BMPER: variants seen among roughly 807,000 people sequenced by gnomAD.
The protein encoded by BMPER is BMP binding endothelial regulator.
Under a neutral mutation model 87.3 loss-of-function variants are expected in BMPER, and 45 were observed. That is an observed-to-expected ratio of 0.52 (90% confidence interval 0.41 to 0.66). The LOEUF is 0.66. Among genes scored for constraint, BMPER ranks in the 30% least tolerant of loss-of-function variants. The pLI, the probability that BMPER is intolerant of heterozygous loss-of-function variation, is 0.00. For synonymous variants in BMPER, 326 were observed against 316.2 expected (o/e 1.03, Z -0.33); for missense variants, 784 against 867.5 (o/e 0.90, Z 1.21).
At chr7:33,958,633 A>C (rs1229887721) in intron 3 of BMPER, among the ~76,000 whole-genome samples, 1 of 152,180 alleles carries the variant, frequency 6.6e-6, no homozygotes, top group Non-Finnish European at 1.5e-5. Flanking sequence ...GTCTAGCACA[A>C]CTCAAATAGT....
At chr7:34,000,310 C>T (rs1036493100) in intron 6 of BMPER, among the ~76,000 whole-genome samples, 3 of 151,628 alleles carry the variant, frequency 2.0e-5, no homozygotes, top group Admixed American at 6.6e-5. Flanking sequence ...GAAATTTGGA[C>T]GGTGTTTTTA....
At chr7:34,041,227 C>T (rs199611638) in intron 6 of BMPER, among the ~76,000 whole-genome samples, 1 of 152,290 alleles carries the variant, frequency 6.6e-6, no homozygotes, top group East Asian at 1.9e-4. Context: ...CTTAGAGGCT[C>T]ATTCTCTGCT....
At position 33,993,319 on chromosome 7, in the gene BMPER, T is replaced by C. The variant is rs201678850; in HGVS notation, c.576+18535T>C. Reference sequence around the variant, plus strand: ...TTTCTTGGAGGCTTTGCTGATTTCTTTTTATTCTTTTTTCTCTAAACTTCC... The same window carrying C: ...TTTCTTGGAGGCTTTGCTGATTTCTCTTTATTCTTTTTTCTCTAAACTTCC... On this transcript the variant is annotated intron_variant, in intron 6 of 14. Coordinates refer to ENST00000649409, the MANE Select transcript of BMPER (RefSeq NM_001365308.1). Among the ~76,000 whole-genome samples, 1,018 of 151,950 alleles carry C rather than the reference T, an allele frequency of 6.7e-3. 26 individuals carry two copies. The highest frequency in any genetic ancestry group is 0.053 in the Admixed American group (803 of 15,270).
intron 6 of BMPER, among the ~76,000 whole-genome samples, chr7:34,026,927 C>G (rs563737280): frequency 6.6e-6 from 1 of 152,160 alleles, no homozygotes; most frequent in East Asian, 1.9e-4. Flanking sequence ...TGGCTGGCTC[C>G]GTGGGTGGCT....
intron 13 of BMPER, among the ~76,000 whole-genome samples, chr7:34,112,618 A>G (rs1562751716): frequency 6.6e-6 from 1 of 152,046 alleles, no homozygotes; most frequent in Non-Finnish European, 1.5e-5. Context: ...TTATTTTACA[A>G]CAATCAGGTC....
chr7:34,046,910 C>G (rs1350255262), intron 7 of BMPER, among the ~76,000 whole-genome samples: 1 of 146,956 alleles, frequency 6.8e-6, no homozygotes, highest in East Asian at 2.0e-4. Context: ...GTATTAGGCA[C>G]CATGCTAGGC....
intron 13 of BMPER, among the ~76,000 whole-genome samples, chr7:34,113,441 A>C (rs977410342): frequency 2.0e-5 from 3 of 150,616 alleles, no homozygotes; most frequent in African/African-American, 4.9e-5. Flanking sequence ...AATACACATA[A>C]ATTTTCTTCA....
At chr7:34,102,236 A>G (rs1457140308) in intron 13 of BMPER, among the ~76,000 whole-genome samples, 3 of 151,914 alleles carry the variant, frequency 2.0e-5, no homozygotes, top group African/African-American at 7.3e-5. Flanking sequence ...ATAGCTTCGG[A>G]GAAATTAGAC....
intron 6 of BMPER, among the ~76,000 whole-genome samples, chr7:34,014,240 A>G (rs951771939): frequency 6.6e-6 from 1 of 151,926 alleles, no homozygotes; most frequent in African/African-American, 2.4e-5. Context: ...GACACATGGG[A>G]AAGGCAAGTA....
intron 6 of BMPER, among the ~76,000 whole-genome samples, chr7:34,026,583 G>A (rs889834550): frequency 2.0e-5 from 3 of 152,070 alleles, no homozygotes; most frequent in Non-Finnish European, 4.4e-5. Context: ...GGAAGGAATA[G>A]CGGGCTTCTC....
rs112228984 is a variant in BMPER, at chr7:34,100,443, C to T, written c.1745+14351C>T. Among the ~76,000 whole-genome samples, 1,061 of 152,194 alleles carry T rather than the reference C, an allele frequency of 7.0e-3. 5 individuals carry two copies. The highest frequency in any genetic ancestry group is 7.7e-3 in the Non-Finnish European group (523 of 68,006). Reference sequence around the variant, plus strand: ...CCAGAGGCAGGAGGAATGGGTCTGGCCAGGGAGTGTTGTACTGCATTCGTG... The same window carrying T: ...CCAGAGGCAGGAGGAATGGGTCTGGTCAGGGAGTGTTGTACTGCATTCGTG... On this transcript the variant is annotated intron_variant, in intron 13 of 14. Transcript: ENST00000649409.
chr7:34,005,753 G>A (rs1050494908), intron 6 of BMPER, among the ~76,000 whole-genome samples: 1 of 151,898 alleles, frequency 6.6e-6, no homozygotes, highest in African/African-American at 2.4e-5. Flanking sequence ...ATTGCTTTAT[G>A]GAGGAATGGC....
chr7:33,997,770 G>A (rs1010267139), intron 6 of BMPER, among the ~76,000 whole-genome samples: 1 of 152,014 alleles, frequency 6.6e-6, no homozygotes, highest in African/African-American at 2.4e-5. Context: ...TGAATGTTCT[G>A]TCCAGAAGAC....
intron 2 of BMPER, among the ~76,000 whole-genome samples, chr7:33,935,290 T>C (rs1340637304): frequency 1.3e-5 from 2 of 152,118 alleles, no homozygotes; most frequent in African/African-American, 4.8e-5. Flanking sequence ...CAGCTCCTTA[T>C]CCCAGCTCAG....
intron 11 of BMPER, among the ~76,000 whole-genome samples, chr7:34,078,084 C>T (rs927115460): frequency 6.6e-6 from 1 of 152,046 alleles, no homozygotes; most frequent in Non-Finnish European, 1.5e-5. Context: ...AATCTTAGGG[C>T]TGCCCTAAAG....
intron 6 of BMPER, among the ~76,000 whole-genome samples, chr7:34,033,845 G>A (rs1040952979): frequency 6.6e-6 from 1 of 152,170 alleles, no homozygotes; most frequent in Non-Finnish European, 1.5e-5. Flanking sequence ...GGTACTTCTG[G>A]TAAGCCCTTA....
At chr7:33,942,104 A>G (rs893909614) in intron 3 of BMPER, among the ~76,000 whole-genome samples, 3 of 152,008 alleles carry the variant, frequency 2.0e-5, no homozygotes, top group African/African-American at 7.3e-5. Context: ...GATGACCAAT[A>G]GTGAAAGCTT....
intron 6 of BMPER, among the ~76,000 whole-genome samples, chr7:34,024,375 A>T (rs1228031329): frequency 1.1e-5 from 1 of 93,540 alleles, no homozygotes; most frequent in African/African-American, 5.2e-5. Context: ...AAAAAAAAAA[A>T]AAAAAAACAA....
intron 3 of BMPER, among the ~76,000 whole-genome samples, chr7:33,965,656 A>G (rs1024566755): frequency 2.6e-5 from 4 of 152,186 alleles, no homozygotes; most frequent in African/African-American, 7.2e-5. Flanking sequence ...CAGTGACTAT[A>G]GGCATCGCCA....
Sources: gnomAD v4.1 joint callset for allele counts (sites outside exome capture counted in the v4.1 genomes callset) on GRCh38, gnomAD v4.1.1 for gene constraint, MANE v1.5 for transcripts, NCBI Gene and HGNC (gene_info 2026-07-23, HGNC 2026-07-21) for gene names.